The following TMEM135 variants were observed in gnomAD, a reference collection of about 807,000 sequenced individuals.
The protein encoded by TMEM135 is transmembrane protein 135.
TMEM135 carries 30 observed loss-of-function variants against 60.3 expected under a neutral mutation model. The observed-to-expected ratio is 0.50, with a 90% CI of 0.37 to 0.68. The LOEUF (loss-of-function observed/expected upper bound fraction) is 0.68, where lower values mean the gene tolerates loss of function less well. Ranked by LOEUF, TMEM135 falls within the 30% of genes least tolerant of loss-of-function variation. The pLI, the probability that TMEM135 is intolerant of heterozygous loss-of-function variation, is 0.00. For synonymous variants in TMEM135, 190 were observed against 186.7 expected, an observed-to-expected ratio of 1.02 and a Z score of -0.14; for missense variants, 468 against 548.8, an observed-to-expected ratio of 0.85 and a Z score of 1.47.
chr11:87,071,706 TGAGA>T, intron 3 of TMEM135, 91 bp downstream of exon 3: 1 of 806,844 alleles, frequency 1.2e-6, no homozygotes, highest in Non-Finnish European at 2.0e-6. Flanking sequence ...CTTACAGGGA[TGAGA>T]AATATTTCTA....
At chr11:87,200,579 T>C (rs1940071483) in intron 5 of TMEM135, among the ~76,000 whole-genome samples, 1 of 152,202 alleles carries the variant, frequency 6.6e-6, no homozygotes, top group African/African-American at 2.4e-5. Context: ...TCCAGAATGA[T>C]ATACTTTGGT....
At chr11:87,159,111 C>T (rs766651842) in intron 5 of TMEM135, among the ~76,000 whole-genome samples, 2 of 152,238 alleles carry the variant, frequency 1.3e-5, no homozygotes, top group Admixed American at 6.5e-5. Context: ...GTTAAAATAG[C>T]TGGCTTTTGA....
intron 5 of TMEM135, among the ~76,000 whole-genome samples, chr11:87,212,950 G>A (rs1940410768): frequency 6.6e-6 from 1 of 151,286 alleles, no homozygotes; most frequent in South Asian, 2.1e-4. Flanking sequence ...ATTACTAATA[G>A]AAATGATTGG....
intron 1 of TMEM135, among the ~76,000 whole-genome samples, chr11:87,060,564 A>G (rs1187870673): frequency 6.6e-6 from 1 of 152,136 alleles, no homozygotes; most frequent in Non-Finnish European, 1.5e-5. Context: ...GTTAAGAGCC[A>G]CTTGCCTGAC....
chr11:87,116,630 TACAC>T (rs869034979), intron 4 of TMEM135, among the ~76,000 whole-genome samples: 2 of 90,714 alleles, frequency 2.2e-5, no homozygotes, highest in Admixed American at 1.3e-4. Flanking sequence ...CACACACACA[TACAC>T]ACACACACAC....
intron 4 of TMEM135, among the ~76,000 whole-genome samples, chr11:87,144,085 C>G (rs1938338945): frequency 6.6e-6 from 1 of 151,358 alleles, no homozygotes. Flanking sequence ...TTTAAAATTT[C>G]AAAACTAATA....
At chr11:87,046,588 A>T (rs1477734695) in intron 1 of TMEM135, among the ~76,000 whole-genome samples, 1 of 152,208 alleles carries the variant, frequency 6.6e-6, no homozygotes, top group African/African-American at 2.4e-5. Flanking sequence ...CCAGTGCGGT[A>T]TGTAAGTGGA....
chr11:87,254,554 T>C (rs1217343420), intron 6 of TMEM135, among the ~76,000 whole-genome samples: 1 of 152,230 alleles, frequency 6.6e-6, no homozygotes, highest in African/African-American at 2.4e-5. Flanking sequence ...TTAAACATTA[T>C]TTATGTTTCC....
intron 6 of TMEM135, among the ~76,000 whole-genome samples, chr11:87,245,642 A>C (rs1941251339): frequency 7.3e-6 from 1 of 136,186 alleles, no homozygotes; most frequent in Admixed American, 7.2e-5. Context: ...TGTTGGTTTA[A>C]AGTCTGTTTT....
intron 4 of TMEM135, among the ~76,000 whole-genome samples, chr11:87,119,740 A>G (rs1341377203): frequency 6.6e-6 from 1 of 152,214 alleles, no homozygotes; most frequent in African/African-American, 2.4e-5. Context: ...GACTGATCAC[A>G]TAACAGATAT....
chr11:87,289,745 C>T (rs981193242), intron 6 of TMEM135, among the ~76,000 whole-genome samples: 10 of 151,998 alleles, frequency 6.6e-5, no homozygotes, highest in Admixed American at 1.3e-4. Context: ...TGTGAGCCAC[C>T]GCGTGCAGCC....
intron 6 of TMEM135, among the ~76,000 whole-genome samples, chr11:87,252,403 A>G (rs558445693): frequency 6.6e-6 from 1 of 152,188 alleles, no homozygotes; most frequent in Non-Finnish European, 1.5e-5. Context: ...GAAAAAAAGT[A>G]GAAAATAGAA....
At chr11:87,281,063 G>A (rs550214765) in intron 6 of TMEM135, among the ~76,000 whole-genome samples, 72 of 152,314 alleles carry the variant, frequency 4.7e-4, no homozygotes, top group African/African-American at 1.7e-3. Context: ...ATGTCTAAAT[G>A]TAAATTCATA....
intron 1 of TMEM135, among the ~76,000 whole-genome samples, chr11:87,045,324 C>T (rs1197926199): frequency 1.3e-5 from 2 of 152,274 alleles, no homozygotes; most frequent in Non-Finnish European, 1.5e-5. Context: ...GCCACCGCAC[C>T]CGGCTGAAGT....
chr11:87,163,306 C>T lies in TMEM135; in HGVS notation c.462+5900C>T, dbSNP rs1372781264. On this transcript the variant is annotated intron_variant, in intron 5 of 14. Coordinates refer to ENST00000305494, the MANE Select transcript of TMEM135 (RefSeq NM_022918.4). ...TGCGGTGTTTGGTTTTTTGTTCTTGCGATAGTTTACTGAGAATGATGATTT... is the reference window on the plus strand; with the variant it reads ...TGCGGTGTTTGGTTTTTTGTTCTTGTGATAGTTTACTGAGAATGATGATTT... Among the ~76,000 whole-genome samples the T allele has an allele frequency of 5.6e-5, 8 of 142,910 alleles. No individual in the cohort carries two copies. The South Asian group carries it at 7.1e-4, about 13-fold the overall frequency. The allele number at this position is 142,910 out of a possible 152,430, so 93.8% of individuals were successfully genotyped here.
Position 87,321,401 on chromosome 11 carries a change from G to C in TMEM135, c.*68G>C, listed in dbSNP as rs768891106. On this transcript the variant is annotated 3_prime_UTR_variant, in exon 15 of 15. Coordinates refer to ENST00000305494, the MANE Select transcript of TMEM135 (RefSeq NM_022918.4). ...AAGAGTTAATTATGTTGAACACAAAGGAGGGGGCCCAAGCTCGAACTTCAG... is the reference window on the plus strand; with the variant it reads ...AAGAGTTAATTATGTTGAACACAAACGAGGGGGCCCAAGCTCGAACTTCAG... 6 of 1,558,750 alleles carry C rather than the reference G, an allele frequency of 3.8e-6. No homozygotes were observed. The highest frequency in any genetic ancestry group is 1.4e-5 in the African/African-American group (1 of 73,714).
Position 87,042,438 on chromosome 11 carries a change from G to A in TMEM135, c.141+4252G>A, listed in dbSNP as rs183082760. Reference sequence around the variant, plus strand: ...AGGGAAAGTTAGTATGATATTTTAAGTTTTATGGCTGGCTTTGGGGAAAAT... The same window carrying A: ...AGGGAAAGTTAGTATGATATTTTAAATTTTATGGCTGGCTTTGGGGAAAAT... On this transcript the variant is annotated intron_variant, in intron 1 of 14. Transcript: ENST00000305494. 9.2e-5 allele frequency among the ~76,000 whole-genome samples: 14 copies of A among 152,150 alleles called. No individual in the cohort carries two copies. The East Asian group carries it at 2.7e-3, about 29-fold the overall frequency.
rs1279541331 is a variant in TMEM135, at chr11:87,325,191, T to C, written c.*3858T>C. The C allele has an allele frequency of 4.4e-6, 2 of 453,918 alleles. No individual in the cohort carries two copies. Among genetic ancestry groups the C allele is most frequent in the Non-Finnish European group, 8.8e-6 (2 of 226,790 alleles). The allele number at this position is 453,918 out of a possible 1,614,324, so 28.1% of individuals were successfully genotyped here. On this transcript the variant is annotated 3_prime_UTR_variant, in exon 15 of 15. Coordinates refer to ENST00000305494, the MANE Select transcript of TMEM135 (RefSeq NM_022918.4). Reference sequence around the variant, plus strand: ...TGTAGTACTATGTTTCTGTTTAAAGTAGTGGCCTCAGGTGACTTTGTAATA... The same window carrying C: ...TGTAGTACTATGTTTCTGTTTAAAGCAGTGGCCTCAGGTGACTTTGTAATA...
chr11:87,211,190 C>T (rs1005887549), intron 5 of TMEM135, among the ~76,000 whole-genome samples: 6 of 152,164 alleles, frequency 3.9e-5, no homozygotes, highest in African/African-American at 1.4e-4. Context: ...AGGGCTTGAA[C>T]TTCAAAGACT....
Sources: allele counts gnomAD v4.1 joint callset (sites outside exome capture counted in the v4.1 genomes callset), GRCh38; gene constraint gnomAD v4.1.1; transcripts MANE v1.5; gene names NCBI Gene and HGNC (gene_info 2026-07-23, HGNC 2026-07-21).